The following PTPN12 variants were observed in gnomAD, a reference collection of about 807,000 sequenced individuals.
PTPN12 encodes the protein tyrosine-protein phosphatase non-receptor type 12.
Under a neutral mutation model 97.6 loss-of-function variants are expected in PTPN12, and 29 were observed. The observed-to-expected ratio is 0.30, with a 90% CI of 0.22 to 0.41. The LOEUF (loss-of-function observed/expected upper bound fraction) is 0.41, where lower values mean the gene tolerates loss of function less well. PTPN12 is among the 10% of genes least tolerant of loss of function. The pLI is 1.00. For synonymous variants in PTPN12, 327 were observed against 300.4 expected (o/e 1.09, Z -0.91); for missense variants, 819 against 926.0 (o/e 0.88, Z 1.50).
intron 1 of PTPN12, among the ~76,000 whole-genome samples, chr7:77,545,321 A>G (rs991245465): frequency 6.6e-5 from 10 of 152,190 alleles, no homozygotes; most frequent in Non-Finnish European, 7.4e-5. Context: ...AAGTGGCAGC[A>G]TCTGTAGGCT....
At chr7:77,605,619 G>A (rs938666201) in intron 8 of PTPN12, among the ~76,000 whole-genome samples, 1 of 151,202 alleles carries the variant, frequency 6.6e-6, no homozygotes, top group African/African-American at 2.4e-5. Context: ...TAGAGACGGG[G>A]TTTCACCACG....
intron 1 of PTPN12, among the ~76,000 whole-genome samples, chr7:77,539,789 C>A (rs1257283863): frequency 6.6e-6 from 1 of 151,798 alleles, no homozygotes; most frequent in Admixed American, 6.6e-5. Flanking sequence ...CCACCACGCC[C>A]GGCTAATTTT....
intron 13 of PTPN12, among the ~76,000 whole-genome samples, chr7:77,629,564 TA>T (rs1194660863): frequency 6.6e-6 from 1 of 150,968 alleles, no homozygotes; most frequent in Non-Finnish European, 1.5e-5. Context: ...CTTTTTTTTT[TA>T]AAAAAAACCA....
chr7:77,549,193 A>T (rs1323021944), intron 1 of PTPN12, among the ~76,000 whole-genome samples: 1 of 152,160 alleles, frequency 6.6e-6, no homozygotes, highest in African/African-American at 2.4e-5. Flanking sequence ...TTTTTAGAGA[A>T]AGGAAGGGAT....
intron 17 of PTPN12, 84 bp from the exon 18 acceptor site, chr7:77,639,135 A>T: frequency 9.1e-7 from 1 of 1,098,728 alleles, no homozygotes; most frequent in African/African-American, 1.6e-5. Context: ...TGTTCCAGAA[A>T]ATGAGAATGT....
intron 2 of PTPN12, among the ~76,000 whole-genome samples, chr7:77,580,654 A>G (rs1305186046): frequency 6.6e-6 from 1 of 152,160 alleles, no homozygotes; most frequent in Admixed American, 6.5e-5. Context: ...ATAAAAACTT[A>G]AAAGAAAAAT....
chr7:77,553,050 A>G (rs1450648863), intron 1 of PTPN12, among the ~76,000 whole-genome samples: 1 of 152,208 alleles, frequency 6.6e-6, no homozygotes, highest in East Asian at 1.9e-4. Context: ...TGTGTATAGT[A>G]TATTTAATTA....
At chr7:77,594,692 C>A (rs1440573685) in intron 6 of PTPN12, among the ~76,000 whole-genome samples, 1 of 152,002 alleles carries the variant, frequency 6.6e-6, no homozygotes, top group African/African-American at 2.4e-5. Context: ...TTTGTAGAGA[C>A]GAGGTCTCCC....
intron 16 of PTPN12, among the ~76,000 whole-genome samples, chr7:77,637,832 G>A (rs987109324): frequency 2.5e-5 from 3 of 121,006 alleles, no homozygotes; most frequent in African/African-American, 3.3e-5. Flanking sequence ...ACTCCAACCC[G>A]GGCAACAAGA....
chr7:77,556,922 G>A (rs1458507789), intron 1 of PTPN12, among the ~76,000 whole-genome samples: 1 of 151,666 alleles, frequency 6.6e-6, no homozygotes, highest in East Asian at 1.9e-4. Flanking sequence ...AAAAATGTGG[G>A]GTCCCCTTTG....
At chr7:77,555,218 C>CTT (rs199567759) in intron 1 of PTPN12, among the ~76,000 whole-genome samples, 1 of 138,462 alleles carries the variant, frequency 7.2e-6, no homozygotes. Flanking sequence ...ATTTGTTTAT[C>CTT]TTTTTTTTTT....
At chr7:77,562,765 A>G (rs1584111988) in intron 1 of PTPN12, among the ~76,000 whole-genome samples, 1 of 152,338 alleles carries the variant, frequency 6.6e-6, no homozygotes, top group East Asian at 1.9e-4. Context: ...TGTATTAGAT[A>G]TCTTCATTTC....
intron 12 of PTPN12, among the ~76,000 whole-genome samples, chr7:77,626,322 T>C (rs1245853798): frequency 6.6e-6 from 1 of 152,124 alleles, no homozygotes; most frequent in Non-Finnish European, 1.5e-5. Flanking sequence ...ATTGGAAAGA[T>C]AGAGAAGGAC....
intron 2 of PTPN12, among the ~76,000 whole-genome samples, chr7:77,575,012 T>C (rs1311577497): frequency 6.6e-6 from 1 of 151,928 alleles, no homozygotes; most frequent in Non-Finnish European, 1.5e-5. Flanking sequence ...TTTGGTATTT[T>C]TAGTAGAGAC....
chr7:77,610,105 T>C (rs1303311112), intron 9 of PTPN12, among the ~76,000 whole-genome samples: 1 of 152,240 alleles, frequency 6.6e-6, no homozygotes, highest in Admixed American at 6.5e-5. Context: ...TCAGATCTTC[T>C]CATGTCAACA....
intron 6 of PTPN12, among the ~76,000 whole-genome samples, chr7:77,594,410 T>G (rs1006612202): frequency 6.6e-6 from 1 of 152,188 alleles, no homozygotes; most frequent in Non-Finnish European, 1.5e-5. Context: ...CCTTCACCAA[T>G]CCAGAAAGAA....
chr7:77,538,091 G>C (rs1806751949), intron 1 of PTPN12: 1 of 991,604 alleles, frequency 1.0e-6, no homozygotes, highest in Non-Finnish European at 1.2e-6. Flanking sequence ...GCTGACAGAG[G>C]AACGGGGGTA....
At chr7:77,634,035 T>TGTTGA (rs911627734) in intron 14 of PTPN12, among the ~76,000 whole-genome samples, 9 of 151,756 alleles carry the variant, frequency 5.9e-5, no homozygotes, top group Admixed American at 5.9e-4. Flanking sequence ...CAAAAAATAA[T>TGTTGA]AATAACAACA....
intron 1 of PTPN12, chr7:77,538,004 C>T (rs1485673117): frequency 1.9e-6 from 2 of 1,030,444 alleles, no homozygotes; most frequent in African/African-American, 3.5e-5. Flanking sequence ...CGTTTCCACA[C>T]CTCCCCGCGC....
Sources: allele counts gnomAD v4.1 joint callset (sites outside exome capture counted in the v4.1 genomes callset), GRCh38; gene constraint gnomAD v4.1.1; transcripts MANE v1.5; gene names NCBI Gene and HGNC (gene_info 2026-07-23, HGNC 2026-07-21).